MICU3: variants seen among roughly 807,000 people sequenced by gnomAD.
MICU3 encodes the protein calcium uptake protein 3, mitochondrial.
MICU3 carries 62 observed loss-of-function variants against 66.5 expected under a neutral mutation model. The observed-to-expected ratio is 0.93, with a 90% CI of 0.76 to 1.15. The LOEUF is 1.15. Ranked by LOEUF, MICU3 falls within the 50% of genes most tolerant of loss-of-function variation. The probability of loss-of-function intolerance (pLI) is 0.00; values close to 1 mark genes in which losing one functional copy is unlikely to be tolerated. For synonymous variants in MICU3, 308 were observed against 240.7 expected, an observed-to-expected ratio of 1.28 and a Z score of -2.59; for missense variants, 779 against 664.4, an observed-to-expected ratio of 1.17 and a Z score of -1.90.
At chr8:17,054,466 T>G (rs2517026) in intron 1 of MICU3, among the ~76,000 whole-genome samples, 1 of 152,196 alleles carries the variant, frequency 6.6e-6, no homozygotes, top group Non-Finnish European at 1.5e-5. Context: ...GTTATTTTTG[T>G]TACATACTTT....
chr8:17,131,998 C>G, the MICU3 span: 8 of 152,278 alleles, frequency 5.3e-5, no homozygotes, highest in African/African-American at 1.9e-4. Flanking sequence ...AATAATAACT[C>G]TACATTTCAC....
In MICU3 at chr8:17,105,540, T is replaced by C. The variant is rs1378914290; in HGVS notation, c.1213T>C (p.Ser405Pro). Residue 405 changes from serine (S) to proline (P), a missense_variant, in exon 11 of 15, where the codon TCA becomes CCA. Ser to Pro is a moderately conservative substitution (Grantham distance 74). Transcript: ENST00000318063. Reference sequence around the variant, plus strand: ...ACGATATACAAATGTGGAAAATACATCAGTATTTTTAGAAAATGTGCGTTA... The same window carrying C: ...ACGATATACAAATGTGGAAAATACACCAGTATTTTTAGAAAATGTGCGTTA... Reference protein sequence around the residue: ...LLRYTNVENTSVFLENVRYSI... With the variant: ...LLRYTNVENTPVFLENVRYSI... 1 of 1,564,598 alleles carries C rather than the reference T, an allele frequency of 6.4e-7. No homozygotes were observed. The highest frequency in any genetic ancestry group is 8.7e-7 in the Non-Finnish European group (1 of 1,152,660).
intron 8 of MICU3, among the ~76,000 whole-genome samples, chr8:17,096,486 A>G (rs991160541): frequency 7.9e-5 from 12 of 151,994 alleles, no homozygotes; most frequent in African/African-American, 2.7e-4. Flanking sequence ...AGTTACATAT[A>G]TAGGAATCAG....
At chr8:17,031,275 T>TTATTAG (rs1237184593) in intron 1 of MICU3, among the ~76,000 whole-genome samples, 1 of 147,054 alleles carries the variant, frequency 6.8e-6, no homozygotes, top group East Asian at 2.0e-4. Flanking sequence ...ATTATTATTA[T>TTATTAG]TATTATTATT....
At chr8:17,057,729 CAGTTTAGCAATT>C (rs1817165397) in intron 1 of MICU3, among the ~76,000 whole-genome samples, 2 of 152,094 alleles carry the variant, frequency 1.3e-5, no homozygotes, top group African/African-American at 2.4e-5. Context: ...TAATGATTTT[CAGTTTAGCAATT>C]TATGGTTTCA....
intron 13 of MICU3, among the ~76,000 whole-genome samples, chr8:17,117,669 C>T (rs891935081): frequency 3.1e-4 from 44 of 141,552 alleles, no homozygotes; most frequent in Admixed American, 8.2e-4. Flanking sequence ...AGTGCAGTGG[C>T]GCAATCTCAG....
At chr8:17,047,564 C>T (rs754339490) in intron 1 of MICU3, among the ~76,000 whole-genome samples, 34 of 152,176 alleles carry the variant, frequency 2.2e-4, no homozygotes, top group Admixed American at 7.2e-4. Context: ...ACTGTAAAAT[C>T]AAAGATAAAG....
intron 11 of MICU3, 114 bp downstream of exon 11, chr8:17,105,698 G>T: frequency 1.9e-6 from 1 of 536,914 alleles, no homozygotes. Context: ...AGATATCTTG[G>T]ATGTGTTTCA....
intron 3 of MICU3, among the ~76,000 whole-genome samples, chr8:17,076,001 AAT>A (rs1475651213): frequency 6.6e-6 from 1 of 152,016 alleles, no homozygotes; most frequent in Non-Finnish European, 1.5e-5. Flanking sequence ...AGCTATGTAA[AAT>A]TTATTCAGAA....
chr8:17,033,371 A>T (rs564072741), intron 1 of MICU3, among the ~76,000 whole-genome samples: 1 of 152,208 alleles, frequency 6.6e-6, no homozygotes, highest in Non-Finnish European at 1.5e-5. Context: ...TTAGTGGTCT[A>T]TGTAGAAGAC....
At chr8:17,071,878 T>C (rs1819634943) in intron 3 of MICU3, among the ~76,000 whole-genome samples, 1 of 152,066 alleles carries the variant, frequency 6.6e-6, no homozygotes, top group African/African-American at 2.4e-5. Context: ...TACAAAACAT[T>C]ATTAAATTAT....
intron 4 of MICU3, among the ~76,000 whole-genome samples, chr8:17,079,124 A>G (rs1820805007): frequency 6.8e-6 from 1 of 147,632 alleles, no homozygotes; most frequent in African/African-American, 2.6e-5. Context: ...GCATATCCTA[A>G]TCCTTCTCAT....
At chr8:17,031,060 A>G (rs1344673817) in intron 1 of MICU3, among the ~76,000 whole-genome samples, 1 of 151,798 alleles carries the variant, frequency 6.6e-6, no homozygotes, top group Non-Finnish European at 1.5e-5. Flanking sequence ...TCAATCTGCC[A>G]TTTTTCAGAA....
At chr8:17,131,350 G>C in the MICU3 span, 2 of 152,192 alleles carry the variant, frequency 1.3e-5, no homozygotes, top group Non-Finnish European at 2.9e-5. Flanking sequence ...AAGGTGCCTC[G>C]TAAGTGGGAG....
intron 7 of MICU3, 72 bp from the exon 8 acceptor site, chr8:17,090,474 T>A: frequency 1.5e-6 from 2 of 1,373,946 alleles, no homozygotes; most frequent in Middle Eastern, 1.8e-4. Flanking sequence ...GTCTTTTTCC[T>A]TTTTTCTTTT....
intron 8 of MICU3, among the ~76,000 whole-genome samples, chr8:17,095,479 G>T (rs1412603284): frequency 6.6e-6 from 1 of 151,888 alleles, no homozygotes; most frequent in African/African-American, 2.4e-5. Flanking sequence ...TTTAATATGT[G>T]TGTGTGTTTG....
chr8:17,051,886 T>C (rs1015314372), intron 1 of MICU3, among the ~76,000 whole-genome samples: 1 of 151,918 alleles, frequency 6.6e-6, no homozygotes, highest in Non-Finnish European at 1.5e-5. Flanking sequence ...CAAAGGTAGC[T>C]AAATAGAGAG....
At chr8:17,067,510 A>G (rs1009523950) in intron 2 of MICU3, among the ~76,000 whole-genome samples, 1 of 151,796 alleles carries the variant, frequency 6.6e-6, no homozygotes, top group African/African-American at 2.4e-5. Context: ...GCTCACTGCA[A>G]CCTCCGCTTC....
chr8:17,130,153 G>T, the MICU3 span, among the ~76,000 whole-genome samples: 1 of 152,086 alleles, frequency 6.6e-6, no homozygotes, highest in Non-Finnish European at 1.5e-5. Context: ...CAAAAATTTT[G>T]ATACATACAA....
Sources: gnomAD v4.1 joint callset for allele counts (sites outside exome capture counted in the v4.1 genomes callset) on GRCh38, gnomAD v4.1.1 for gene constraint, MANE v1.5 for transcripts, NCBI Gene and HGNC (gene_info 2026-07-23, HGNC 2026-07-21) for gene names.